The following UVRAG variants were observed in gnomAD, a reference collection of about 807,000 sequenced individuals.
UVRAG encodes the protein UV radiation resistance associated, also known as UV radiation resistance-associated gene protein.
In UVRAG, 19 loss-of-function variants were observed where a neutral mutation model predicts 78.0. That is an observed-to-expected ratio of 0.24 (90% CI 0.17 to 0.36). The LOEUF (loss-of-function observed/expected upper bound fraction) is 0.36. Ranked by LOEUF, UVRAG falls within the 10% of genes least tolerant of loss-of-function variation. The pLI is 1.00. For synonymous variants in UVRAG, 323 were observed against 324.6 expected, an observed-to-expected ratio of 1.00 and a Z score of 0.05; for missense variants, 740 against 853.8, an observed-to-expected ratio of 0.87 and a Z score of 1.66.
chr11:75,900,172 T>C (rs1947458747), intron 5 of UVRAG, among the ~76,000 whole-genome samples: 1 of 152,224 alleles, frequency 6.6e-6, no homozygotes, highest in South Asian at 2.1e-4. Flanking sequence ...TTTTAGATTC[T>C]TGAGAAGTAA....
chr11:75,974,324 T>C (rs1281939703), intron 7 of UVRAG, among the ~76,000 whole-genome samples: 1 of 151,692 alleles, frequency 6.6e-6, no homozygotes, highest in African/African-American at 2.4e-5. Flanking sequence ...GCATTTTTAA[T>C]GTGTCTGTTG....
chr11:76,008,725 C>G (rs1949996542), intron 10 of UVRAG, 82 bp from the exon 11 acceptor site: 1 of 738,360 alleles, frequency 1.4e-6, no homozygotes, highest in Admixed American at 2.8e-5. Context: ...TGTTTTGAGT[C>G]AGCACCGACC....
chr11:75,989,771 G>A (rs557146736), intron 8 of UVRAG, among the ~76,000 whole-genome samples: 3 of 152,050 alleles, frequency 2.0e-5, no homozygotes, highest in Non-Finnish European at 4.4e-5. Context: ...TTTTGATGTC[G>A]TCTTATCTTC....
chr11:76,082,126 C>T (rs1306881916), intron 13 of UVRAG, among the ~76,000 whole-genome samples: 2 of 152,136 alleles, frequency 1.3e-5, no homozygotes, highest in Non-Finnish European at 1.5e-5. Context: ...GCACCAGCAG[C>T]ATTGTATTTC....
intron 14 of UVRAG, among the ~76,000 whole-genome samples, chr11:76,128,811 A>G (rs182512186): frequency 1.1e-3 from 165 of 152,136 alleles, no homozygotes; most frequent in Non-Finnish European, 2.0e-3. Context: ...CTCGATTTAG[A>G]TATAATTCCC....
chr11:75,928,858 C>T (rs1007627632), intron 6 of UVRAG, among the ~76,000 whole-genome samples: 5 of 135,600 alleles, frequency 3.7e-5, no homozygotes, highest in African/African-American at 1.1e-4. Context: ...AGGAGAATGA[C>T]GTGAACCCGG....
chr11:76,005,858 C>T (rs1421236340), intron 9 of UVRAG, among the ~76,000 whole-genome samples: 1 of 152,190 alleles, frequency 6.6e-6, no homozygotes, highest in Non-Finnish European at 1.5e-5. Flanking sequence ...CAAAAGATAC[C>T]GATGAGCAAG....
intron 5 of UVRAG, among the ~76,000 whole-genome samples, chr11:75,899,736 A>G (rs894043446): frequency 2.6e-5 from 4 of 152,232 alleles, no homozygotes; most frequent in Non-Finnish European, 4.4e-5. Flanking sequence ...AATGAGAGAG[A>G]ACACGTGCAA....
intron 1 of UVRAG, among the ~76,000 whole-genome samples, chr11:75,817,148 T>G (rs1320733698): frequency 6.6e-6 from 1 of 151,876 alleles, no homozygotes; most frequent in Non-Finnish European, 1.5e-5. Flanking sequence ...TAATGTGAGT[T>G]TTTGTATGTG....
chr11:75,901,248 C>T (rs1207725360), intron 5 of UVRAG, among the ~76,000 whole-genome samples: 4 of 152,084 alleles, frequency 2.6e-5, no homozygotes, highest in South Asian at 2.1e-4. Flanking sequence ...AAAATGTGCT[C>T]AAGTAGTAGG....
chr11:75,905,401 A>G (rs137914499), intron 5 of UVRAG, among the ~76,000 whole-genome samples: 12 of 152,354 alleles, frequency 7.9e-5, no homozygotes, highest in African/African-American at 2.9e-4. Context: ...AAACATTTTC[A>G]TAATCCCCAA....
chr11:76,081,188 C>G (rs1447517472), intron 13 of UVRAG, among the ~76,000 whole-genome samples: 2 of 151,984 alleles, frequency 1.3e-5, no homozygotes, highest in Non-Finnish European at 2.9e-5. Flanking sequence ...CCCTCTTATT[C>G]ACTGTAACAT....
At chr11:76,030,468 T>TA (rs1476491456) in intron 12 of UVRAG, among the ~76,000 whole-genome samples, 1 of 152,206 alleles carries the variant, frequency 6.6e-6, no homozygotes, top group Non-Finnish European at 1.5e-5. Context: ...CCTTGGAAGA[T>TA]ACGGGTTAGT....
intron 12 of UVRAG, among the ~76,000 whole-genome samples, chr11:76,032,996 G>C (rs1208174856): frequency 6.6e-6 from 1 of 152,178 alleles, no homozygotes; most frequent in Non-Finnish European, 1.5e-5. Flanking sequence ...TCAAAGGATA[G>C]AAACCTATCT....
intron 3 of UVRAG, among the ~76,000 whole-genome samples, chr11:75,872,195 C>T (rs1286931352): frequency 1.3e-5 from 2 of 152,086 alleles, no homozygotes; most frequent in African/African-American, 2.4e-5. Flanking sequence ...TAATGGATTT[C>T]CTTCCTCTCC....
chr11:75,882,512 CAA>C (rs918321522), intron 4 of UVRAG, among the ~76,000 whole-genome samples: 6 of 125,680 alleles, frequency 4.8e-5, no homozygotes, highest in East Asian at 2.3e-4. Context: ...GACTCTATCT[CAA>C]AAAAAAAAAA....
intron 3 of UVRAG, among the ~76,000 whole-genome samples, chr11:75,863,891 C>T (rs1442597917): frequency 6.6e-6 from 1 of 152,134 alleles, no homozygotes; most frequent in African/African-American, 2.4e-5. Context: ...ATCAAATCTC[C>T]TGGAGGTCAC....
At chr11:76,020,478 T>TCAG (rs1950225657) in intron 12 of UVRAG, among the ~76,000 whole-genome samples, 1 of 151,898 alleles carries the variant, frequency 6.6e-6, no homozygotes, top group Non-Finnish European at 1.5e-5. Flanking sequence ...TCCTTCCTTT[T>TCAG]AAGGCAACAC....
chr11:75,887,069 A>C (rs1239375824), intron 4 of UVRAG, among the ~76,000 whole-genome samples: 1 of 145,024 alleles, frequency 6.9e-6, no homozygotes, highest in Non-Finnish European at 1.5e-5. Flanking sequence ...GGGTTCAAAC[A>C]ATTCTCCTGC....
Sources: allele counts gnomAD v4.1 joint callset (sites outside exome capture counted in the v4.1 genomes callset), GRCh38; gene constraint gnomAD v4.1.1; transcripts MANE v1.5; gene names NCBI Gene and HGNC (gene_info 2026-07-23, HGNC 2026-07-21).